Variants in DAB1 observed in about 807,000 individuals in gnomAD.
DAB1 encodes DAB adaptor protein 1.
Under a neutral mutation model 64.6 loss-of-function variants are expected in DAB1, and 15 were observed. The ratio of observed to expected loss-of-function variants is 0.23; its 90% CI spans 0.16 to 0.36. The LOEUF is 0.36. Ranked by LOEUF, DAB1 falls within the 10% of genes least tolerant of loss-of-function variation. The pLI is 1.00. For synonymous variants in DAB1, 235 were observed against 251.9 expected (o/e 0.93, Z 0.64); for missense variants, 596 against 706.7 (o/e 0.84, Z 1.78).
At chr1:57,234,042 A>T (rs1667904100) in intron 2 of DAB1, among the ~76,000 whole-genome samples, 1 of 152,216 alleles carries the variant, frequency 6.6e-6, no homozygotes, top group Non-Finnish European at 1.5e-5. Flanking sequence ...TATTATTTTT[A>T]AAAACTACAG....
chr1:58,261,122 T>C (rs1228842992), intron 4 of DAB1, among the ~76,000 whole-genome samples: 2 of 152,142 alleles, frequency 1.3e-5, no homozygotes, highest in Non-Finnish European at 2.9e-5. Flanking sequence ...ACAGAAACAA[T>C]GTTTGGCCAT....
chr1:57,336,774 T>G (rs559272839), intron 1 of DAB1, among the ~76,000 whole-genome samples: 1 of 152,322 alleles, frequency 6.6e-6, no homozygotes, highest in East Asian at 1.9e-4. Context: ...GTAATTGTCC[T>G]AAGCAATCTG....
chr1:57,001,215 C>T (rs1645852507), intron 14 of DAB1, among the ~76,000 whole-genome samples: 1 of 152,174 alleles, frequency 6.6e-6, no homozygotes, highest in Non-Finnish European at 1.5e-5. Context: ...AAGGTCATAA[C>T]GGGGTCTTTG....
chr1:57,629,814 A>G (rs1645966299), intron 7 of DAB1, among the ~76,000 whole-genome samples: 1 of 151,562 alleles, frequency 6.6e-6, no homozygotes, highest in Non-Finnish European at 1.5e-5. Context: ...GAGCAAAGAG[A>G]TATTGTCATA....
At chr1:57,218,694 T>C (rs936366668) in intron 2 of DAB1, among the ~76,000 whole-genome samples, 28 of 152,126 alleles carry the variant, frequency 1.8e-4, no homozygotes, top group African/African-American at 6.3e-4. Context: ...CCATAATCCA[T>C]ATTTTAGCAC....
At chr1:57,466,586 C>G (rs1369135787) in intron 7 of DAB1, among the ~76,000 whole-genome samples, 1 of 152,200 alleles carries the variant, frequency 6.6e-6, no homozygotes, top group African/African-American at 2.4e-5. Context: ...TATTCTCCCA[C>G]AGTTCTGCAA....
At chr1:58,280,201 G>A (rs1458827773) in intron 4 of DAB1, among the ~76,000 whole-genome samples, 1 of 152,204 alleles carries the variant, frequency 6.6e-6, no homozygotes, top group Admixed American at 6.5e-5. Flanking sequence ...CCCACCTCCT[G>A]TGAGGAGTCA....
chr1:57,016,722 C>T (rs112129870), intron 11 of DAB1, among the ~76,000 whole-genome samples: 31 of 152,144 alleles, frequency 2.0e-4, no homozygotes, highest in African/African-American at 6.7e-4. Flanking sequence ...CTGTATTATT[C>T]TTTTTAGGTA....
chr1:57,472,391 C>A (rs1046336645), intron 7 of DAB1, among the ~76,000 whole-genome samples: 4 of 152,176 alleles, frequency 2.6e-5, no homozygotes, highest in African/African-American at 9.7e-5. Context: ...TTGTCTTATG[C>A]CCAATTTGTG....
At chr1:58,139,486 A>T (rs2100711954) in intron 5 of DAB1, among the ~76,000 whole-genome samples, 1 of 152,264 alleles carries the variant, frequency 6.6e-6, no homozygotes, top group Middle Eastern at 3.4e-3. Flanking sequence ...AAGGCGGAAA[A>T]GGCCCTTATA....
intron 1 of DAB1, among the ~76,000 whole-genome samples, chr1:57,296,513 G>A (rs1229679075): frequency 6.6e-6 from 1 of 152,052 alleles, no homozygotes; most frequent in Non-Finnish European, 1.5e-5. Flanking sequence ...AAATGAGCCT[G>A]AAATATCTTG....
At chr1:57,300,137 G>A (rs963435521) in intron 1 of DAB1, among the ~76,000 whole-genome samples, 6 of 152,108 alleles carry the variant, frequency 3.9e-5, no homozygotes, top group Non-Finnish European at 2.9e-5. Flanking sequence ...GTATTGGCTG[G>A]CAACAAATAT....
At chr1:57,296,755 A>G (rs1406463442) in intron 1 of DAB1, among the ~76,000 whole-genome samples, 1 of 152,186 alleles carries the variant, frequency 6.6e-6, no homozygotes, top group Non-Finnish European at 1.5e-5. Flanking sequence ...TGTCTTGCTT[A>G]TAGCAGAACA....
At chr1:57,157,765 A>C (rs901567364) in intron 2 of DAB1, among the ~76,000 whole-genome samples, 1 of 152,210 alleles carries the variant, frequency 6.6e-6, no homozygotes, top group African/African-American at 2.4e-5. Flanking sequence ...AGACACAAAC[A>C]TACGATCCAT....
In DAB1 at chr1:58,296,154, AAAAG is replaced by A. The variant is rs1317157709; in HGVS notation, n.309+47194_309+47197del. Among the ~76,000 whole-genome samples, 22 of 74,172 alleles carry A rather than the reference AAAAG, an allele frequency of 3.0e-4. No individual in the cohort carries two copies. In the South Asian group the frequency reaches 3.7e-3, roughly 13 times the overall value. The allele number at this position is 74,172 out of a possible 152,430, so 48.7% of individuals were successfully genotyped here. A position where few individuals can be genotyped will look rare whatever the true frequency, so the allele number is the denominator to read the frequency against. ...AAAAAGAAAGAAAGGAAAGAAAGAA[AAAAG>A]AAAGAAAGAAAGAAAAAAGAAAGAA... On this transcript the variant is annotated intron_variant and non_coding_transcript_variant, in intron 4 of 20. Coordinates refer to the DAB1 transcript ENST00000485760.
rs368004765 is a variant in DAB1 at position 58,539,483 on chromosome 1, G to C, written n.32+7220C>G. Among the ~76,000 whole-genome samples the C allele has an allele frequency of 6.0e-4, 91 of 152,238 alleles. No individual in the cohort carries two copies. The South Asian group carries it at 0.018, about 30-fold the overall frequency. On this transcript the variant is annotated intron_variant and non_coding_transcript_variant, in intron 1 of 20. Transcript: ENST00000485760. ...CAACGCCTTTCAGCAAGATAAACCA[G>C]AGTATATATACCACGATATTTACTA... is the stretch of plus-strand genomic sequence containing the variant.
At chr1:58,103,353 G>A (rs569108673) in intron 5 of DAB1, among the ~76,000 whole-genome samples, 6 of 152,260 alleles carry the variant, frequency 3.9e-5, no homozygotes, top group Middle Eastern at 3.4e-3. Context: ...GGGCCTGGGT[G>A]TAAACAGTCT....
intron 4 of DAB1, among the ~76,000 whole-genome samples, chr1:58,213,790 C>T (rs1187705513): frequency 6.6e-6 from 1 of 152,168 alleles, no homozygotes; most frequent in Non-Finnish European, 1.5e-5. Context: ...TAAATTGGGA[C>T]TTCAGTACCT....
chr1:58,069,074 C>T (rs572326873), intron 5 of DAB1, among the ~76,000 whole-genome samples: 2 of 152,286 alleles, frequency 1.3e-5, no homozygotes, highest in African/African-American at 2.4e-5. Flanking sequence ...TGCTATATGA[C>T]GGCTTTGTCA....
Sources: gnomAD v4.1 joint callset for allele counts (sites outside exome capture counted in the v4.1 genomes callset) on GRCh38, gnomAD v4.1.1 for gene constraint, MANE v1.5 for transcripts, NCBI Gene and HGNC (gene_info 2026-07-23, HGNC 2026-07-21) for gene names.